Variants in IZUMO1 observed in about 807,000 individuals in gnomAD.
IZUMO1 encodes the protein izumo sperm-oocyte fusion 1.
A neutral mutation model predicts 40.7 loss-of-function variants in IZUMO1; 44 were observed. The observed-to-expected ratio is 1.08, with a 90% CI of 0.85 to 1.39. The LOEUF (loss-of-function observed/expected upper bound fraction) is 1.39, where lower values mean the gene tolerates loss of function less well. Among genes scored for constraint, IZUMO1 ranks in the 40% most tolerant of loss-of-function variants. The pLI is 0.00. For synonymous variants in IZUMO1, 149 were observed against 170.9 expected, an observed-to-expected ratio of 0.87 and a Z score of 1.00; for missense variants, 368 against 436.9, an observed-to-expected ratio of 0.84 and a Z score of 1.41.
intron 6 of IZUMO1, 141 bp from the exon 7 acceptor site, chr19:48,742,450 C>G (rs540894732): frequency 1.2e-5 from 8 of 642,916 alleles, no homozygotes; most frequent in South Asian, 6.8e-5. Flanking sequence ...TGGGTTCAAG[C>G]GATTCTCTTG....
chr19:48,743,101 A>G, intron 6 of IZUMO1: 1 of 309,220 alleles, frequency 3.2e-6, no homozygotes, highest in Non-Finnish European at 6.2e-6. Context: ...ATCATAGCTT[A>G]CTGCAGTCTC....
At chr19:48,745,349 T>G in intron 2 of IZUMO1, 61 bp from the exon 3 acceptor site, 1 of 1,462,126 alleles carries the variant, frequency 6.8e-7, no homozygotes. Flanking sequence ...CGCCTAATCT[T>G]AGAAACTACA....
chr19:48,741,170 C>A lies in IZUMO1; in HGVS notation c.932+131G>T. On this transcript the variant is annotated intron_variant, in intron 9 of 9. Transcript: ENST00000332955. The surrounding 1 kb of genome is among the most constrained non-coding windows in gnomAD (Gnocchi z 4.4). ...CCTTCGAAGTCCTCCTATTCAAGCC[C>A]CCCGCACTCCATCCCCAGGAAAGTC... is the stretch of plus-strand genomic sequence containing the variant. 1 of 1,437,608 alleles carries A rather than the reference C, an allele frequency of 7.0e-7. No homozygotes were observed. Among genetic ancestry groups the A allele is most frequent in the Non-Finnish European group, 9.4e-7 (1 of 1,067,566 alleles). The allele number at this position is 1,437,608 out of a possible 1,614,324, so 89.1% of individuals were successfully genotyped here. A position where few individuals can be genotyped will look rare whatever the true frequency, so the allele number is the denominator to read the frequency against.
rs1163889275 is a variant in IZUMO1 at position 48,741,377 on chromosome 19, C to G, written c.856G>C (p.Glu286Gln). Residue 286 changes from glutamate (E) to glutamine (Q), a missense_variant, in exon 9 of 10, where the codon GAG becomes CAG. By Grantham distance (29) the Glu-to-Gln change is conservative. Coordinates refer to ENST00000332955, the MANE Select transcript of IZUMO1 (RefSeq NM_182575.3). The surrounding 1 kb of genome is among the most constrained non-coding windows in gnomAD (Gnocchi z 4.4). The part of the protein sequence containing the change: ...SSISLQPLQP[E>Q]KMLASRLLGL... The stretch of plus-strand genomic sequence containing the variant: ...AGAAGGCGGCTTGCCAGCATTTTCT[C>G]GGGCTGCAGAGGCTGGAGGCTTATG... 1.2e-6 allele frequency: 2 copies of G among 1,613,088 alleles called. No individual in the cohort carries two copies. The highest frequency in any genetic ancestry group is 2.2e-5 in the South Asian group (2 of 91,062).
chr19:48,741,478 AC>A lies in IZUMO1; in HGVS notation c.755-1del. 1.2e-6 allele frequency: 2 copies of A among 1,602,488 alleles called. No homozygotes were observed. The highest frequency in any genetic ancestry group is 1.7e-6 in the Non-Finnish European group (2 of 1,170,582). On this transcript the variant is annotated splice_acceptor_variant, in intron 8 of 9. Coordinates refer to ENST00000332955, the MANE Select transcript of IZUMO1 (RefSeq NM_182575.3). LOFTEE classifies it high-confidence loss of function. The surrounding 1 kb of genome is among the most constrained non-coding windows in gnomAD (Gnocchi z 4.4). ...TTCCTCCTTGATCATTTTGGGCAAC[AC>A]TGTTAGAGAAAGCGTAAAGAGCAGT...
At chr19:48,742,063 G>C in intron 7 of IZUMO1, 121 bp from the exon 8 acceptor site, 1 of 1,525,640 alleles carries the variant, frequency 6.6e-7, no homozygotes, top group Non-Finnish European at 8.9e-7. Flanking sequence ...CACTGGTCAG[G>C]GCACGGGGTC....
chr19:48,746,280 AC>A (rs1568488396), intron 1 of IZUMO1, 154 bp downstream of exon 1: 14 of 1,039,180 alleles, frequency 1.3e-5, no homozygotes, highest in Non-Finnish European at 1.6e-5. Flanking sequence ...CTGAACTCCA[AC>A]CCTTAAGAGC....
At chr19:48,744,279 G>T in intron 4 of IZUMO1, 84 bp from the exon 5 acceptor site, 1 of 1,433,796 alleles carries the variant, frequency 7.0e-7, no homozygotes, top group South Asian at 1.1e-5. Flanking sequence ...GAGGGGGTTG[G>T]GGGAAGAGCT....
intron 3 of IZUMO1, among the ~76,000 whole-genome samples, 200 bp from the exon 4 acceptor site, chr19:48,744,739 GT>G (rs1166667945): frequency 8.3e-6 from 1 of 119,872 alleles, no homozygotes; most frequent in Non-Finnish European, 1.9e-5. Flanking sequence ...CCAGGCTGGA[GT>G]GTGTGGTGTA....
intron 4 of IZUMO1, 86 bp from the exon 5 acceptor site, chr19:48,744,281 G>T (rs2033811924): frequency 1.4e-6 from 2 of 1,410,630 alleles, no homozygotes; most frequent in Non-Finnish European, 2.0e-6. Flanking sequence ...GGGGGTTGGG[G>T]GAAGAGCTGG....
chr19:48,742,865 T>G (rs1279406973), intron 6 of IZUMO1, among the ~76,000 whole-genome samples: 1 of 151,562 alleles, frequency 6.6e-6, no homozygotes, highest in Non-Finnish European at 1.5e-5. Context: ...TAGCTGGGAT[T>G]ACAGGTGCCC....
chr19:48,745,215 T>C lies in IZUMO1; in HGVS notation c.309A>G (p.Lys103=). 1 of 1,612,264 alleles carries C rather than the reference T, an allele frequency of 6.2e-7. No homozygotes were observed. The highest frequency in any genetic ancestry group is 8.5e-7 in the Non-Finnish European group (1 of 1,178,348). The change falls in exon 3 of 10, where the codon AAA becomes AAG. Residue 103 remains lysine (K), a splice_region_variant and synonymous_variant. Transcript: ENST00000332955. ...CTCCCACCCCCTTGATGCATTTACC[T>C]TTTACATCACTGTCTGTGATGCGTT... ...DLKRITDSDV[K]GDLFVKELFW...
chr19:48,744,280 G>C lies in IZUMO1; in HGVS notation c.398-85C>G, dbSNP rs545159138. The C allele has an allele frequency of 1.3e-5, 19 of 1,408,422 alleles. No homozygotes were observed. In the South Asian group the frequency reaches 1.9e-4, roughly 14 times the overall value. The allele number at this position is 1,408,422 out of a possible 1,614,324, so 87.2% of individuals were successfully genotyped here. A position where few individuals can be genotyped will look rare whatever the true frequency, so the allele number is the denominator to read the frequency against. On this transcript the variant is annotated intron_variant, in intron 4 of 9. Transcript: ENST00000332955. ...GAAAGACGATGGAAGAGGGGGTTGG[G>C]GGAAGAGCTGGGCTTTGGGCTTTTG...
Position 48,744,445 on chromosome 19 carries a change from T to C in IZUMO1, c.397+8A>G. 6.2e-7 allele frequency: 1 copy of C among 1,605,992 alleles called. No homozygotes were observed. The highest frequency in any genetic ancestry group is 1.1e-5 in the South Asian group (1 of 90,870). On this transcript the variant is annotated splice_region_variant and intron_variant, in intron 4 of 9. Coordinates refer to ENST00000332955, the MANE Select transcript of IZUMO1 (RefSeq NM_182575.3). ...AGCTGGGGGACACCGACTCCCATCT[T>C]CTCTCACCCTCTTTTTGGAATCGAG...
Position 48,744,503 on chromosome 19 carries a change from T to C in IZUMO1, c.347A>G (p.His116Arg). ...GGTGGCAAAGGTTTCCTTTTGCAAG[T>C]GCAACATCCAAAATAGCTCCTTCAC... ...LFVKELFWML[H>R]LQKETFATYV... Residue 116 changes from histidine to arginine, a missense_variant, in exon 4 of 10, where the codon CAC (histidine) becomes CGC (arginine). His to Arg is a conservative substitution (Grantham distance 29). Coordinates refer to ENST00000332955, the MANE Select transcript of IZUMO1 (RefSeq NM_182575.3). 1 of 1,613,966 alleles carries C rather than the reference T, an allele frequency of 6.2e-7. No homozygotes were observed. The highest frequency in any genetic ancestry group is 2.2e-5 in the East Asian group (1 of 44,872).
Position 48,741,055 on chromosome 19 carries a change from A to G in IZUMO1, c.933-27T>C. On this transcript the variant is annotated intron_variant, in intron 9 of 9. Coordinates refer to ENST00000332955, the MANE Select transcript of IZUMO1 (RefSeq NM_182575.3). This position sits in a 1 kb window ranked among gnomAD's most constrained non-coding sequence, Gnocchi z 4.4. Reference sequence around the variant, plus strand: ...TAGGGGTGGGAGTGGGGTGCAGATCATGGAACCGGTTTGGGTACTAATTGT... The same window carrying G: ...TAGGGGTGGGAGTGGGGTGCAGATCGTGGAACCGGTTTGGGTACTAATTGT... 6.2e-7 allele frequency: 1 copy of G among 1,612,942 alleles called. No individual in the cohort carries two copies. The highest frequency in any genetic ancestry group is 2.2e-5 in the East Asian group (1 of 44,870).
intron 2 of IZUMO1, 119 bp from the exon 3 acceptor site, chr19:48,745,407 C>T (rs1173444151): frequency 9.6e-6 from 10 of 1,046,614 alleles, no homozygotes; most frequent in African/African-American, 1.6e-5. Flanking sequence ...AAGGACTCAG[C>T]CGCCCGTTGC....
At chr19:48,742,120 C>A (rs769405592) in intron 7 of IZUMO1, 89 bp downstream of exon 7, 33 of 1,488,090 alleles carry the variant, frequency 2.2e-5, no homozygotes, top group Middle Eastern at 1.7e-4. Flanking sequence ...CCTCCTGGGT[C>A]ATGAGAATCG....
At position 48,745,378 on chromosome 19, in the gene IZUMO1, G is replaced by A. The variant is rs2033850135; in HGVS notation, c.236-90C>T. ...AACTACAATACCCATGAGGCCACTG[G>A]GCAAAGATAGGCCTGGTTAAGGACT... On this transcript the variant is annotated intron_variant, in intron 2 of 9. Coordinates refer to ENST00000332955, the MANE Select transcript of IZUMO1 (RefSeq NM_182575.3). The A allele has an allele frequency of 5.4e-5, 66 of 1,231,784 alleles. 2 individuals carry two copies. In the South Asian group the frequency reaches 8.2e-4, roughly 15 times the overall value. 76.3% of individuals were successfully genotyped at this position (1,231,784 alleles called of 1,614,324 possible). A position where few individuals can be genotyped will look rare whatever the true frequency, so the allele number is the denominator to read the frequency against.
Sources: allele counts gnomAD v4.1 joint callset (sites outside exome capture counted in the v4.1 genomes callset), GRCh38; gene constraint gnomAD v4.1.1; non-coding constraint Gnocchi (gnomAD v3.1); transcripts MANE v1.5; gene names NCBI Gene and HGNC (gene_info 2026-07-23, HGNC 2026-07-21).